Variants in CENPE observed in about 807,000 individuals in gnomAD.
CENPE encodes the protein centromere-associated protein E.
CENPE carries 145 observed loss-of-function variants against 336.1 expected under a neutral mutation model. The observed-to-expected ratio is 0.43, with a 90% CI of 0.38 to 0.50. The LOEUF (loss-of-function observed/expected upper bound fraction) is 0.50. CENPE is among the 20% of genes least tolerant of loss of function. The pLI, the probability that CENPE is intolerant of heterozygous loss-of-function variation, is 0.00. For missense variants in CENPE, 2,719 were observed against 3,023.3 expected, an observed-to-expected ratio of 0.90 and a Z score of 2.36; for synonymous variants, 1,013 against 984.8, an observed-to-expected ratio of 1.03 and a Z score of -0.54.
intron 42 of CENPE, among the ~76,000 whole-genome samples, chr4:103,129,386 A>G (rs1399927823): frequency 6.6e-6 from 1 of 152,184 alleles, no homozygotes; most frequent in Non-Finnish European, 1.5e-5. Context: ...CATTATTCTA[A>G]TACTAAAACC....
intron 43 of CENPE, among the ~76,000 whole-genome samples, chr4:103,121,443 T>A (rs1272044324): frequency 6.6e-6 from 1 of 152,172 alleles, no homozygotes; most frequent in Non-Finnish European, 1.5e-5. Context: ...CATTTAGAAT[T>A]CATTTTTGTT....
Position 103,114,490 on chromosome 4 carries a change from T to C in CENPE, c.7505A>G (p.Asn2502Ser), listed in dbSNP as rs563843733. 1 of 1,611,888 alleles carries C rather than the reference T, an allele frequency of 6.2e-7. No homozygotes were observed. The highest frequency in any genetic ancestry group is 1.1e-5 in the South Asian group (1 of 91,046). The change falls in exon 46 of 49, where the codon AAT becomes AGT. Residue 2502 changes from asparagine (N) to serine (S), a missense_variant. Physicochemically the swap from Asn to Ser is conservative, Grantham distance 46. Coordinates refer to ENST00000265148, the MANE Select transcript of CENPE (RefSeq NM_001813.3). ...QKEVIRLLRE[N>S]LRRSQQAQDT... The stretch of plus-strand genomic sequence containing the variant: ...TTGGGCCTGTTGACTTCTTCTGAGA[T>C]TTTCTCTCAATAGCCTTATAACTTC...
At position 103,143,401 on chromosome 4, in the gene CENPE, T is replaced by C; in HGVS notation, c.5151A>G (p.Leu1717=). Residue 1717 remains leucine (L), a synonymous_variant, in exon 34 of 49, where the codon CTA becomes CTG. Transcript: ENST00000265148. ...ENLRETITRD[L]EKQEELKIVH... ...CAATTTTTAGCTCCTCTTGTTTTTCTAGGTCCTTTATCAATAGAAAAATAA... is the reference window on the plus strand; with the variant it reads ...CAATTTTTAGCTCCTCTTGTTTTTCCAGGTCCTTTATCAATAGAAAAATAA... 6.3e-7 allele frequency: 1 copy of C among 1,585,174 alleles called. No homozygotes were observed. The highest frequency in any genetic ancestry group is 8.7e-7 in the Non-Finnish European group (1 of 1,155,546).
At chr4:103,117,164 A>G (rs941086532) in intron 44 of CENPE, among the ~76,000 whole-genome samples, 2 of 152,204 alleles carry the variant, frequency 1.3e-5, no homozygotes, top group Non-Finnish European at 2.9e-5. Context: ...TCAAAACACT[A>G]TATTTTACAG....
chr4:103,187,497 C>T (rs1327142746), intron 8 of CENPE, among the ~76,000 whole-genome samples: 1 of 152,188 alleles, frequency 6.6e-6, no homozygotes, highest in Non-Finnish European at 1.5e-5. Context: ...CAATATTCAA[C>T]ATTCTTAAAG....
chr4:103,194,744 A>G (rs1757614201), intron 5 of CENPE, 60 bp from the exon 6 acceptor site: 1 of 1,290,404 alleles, frequency 7.7e-7, no homozygotes, highest in African/African-American at 1.5e-5. Flanking sequence ...TTGCTTTTCA[A>G]AAGAAGGTGC....
intron 36 of CENPE, 84 bp downstream of exon 36, chr4:103,140,728 TCA>T (rs1752480818): frequency 3.6e-6 from 4 of 1,122,634 alleles, no homozygotes; most frequent in Non-Finnish European, 5.1e-6. Flanking sequence ...TAGGTTTTAG[TCA>T]CCAGACACAA....
At chr4:103,143,453 C>A (rs1178185317) in intron 33 of CENPE, 47 bp from the exon 34 acceptor site, 2 of 1,259,592 alleles carry the variant, frequency 1.6e-6, no homozygotes, top group Admixed American at 3.7e-5. Context: ...GTAGTACCAT[C>A]CACATGCTAT....
chr4:103,120,067 T>G (rs1233545075), intron 44 of CENPE, 81 bp downstream of exon 44: 1 of 1,001,148 alleles, frequency 1.0e-6, no homozygotes, highest in Non-Finnish European at 1.5e-6. Flanking sequence ...GAGGGAAGAA[T>G]AGAGCACAAG....
At position 103,196,747 on chromosome 4, in the gene CENPE, T is replaced by C. The variant is rs766587667; in HGVS notation, c.148+12A>G. On this transcript the variant is annotated intron_variant, in intron 2 of 48. Coordinates refer to ENST00000265148, the MANE Select transcript of CENPE (RefSeq NM_001813.3). The stretch of plus-strand genomic sequence containing the variant: ...GATAACAAGGTAACTTTTGATGCTA[T>C]TATAAGCTTACCAAAATTGAAGGAT... 7.4e-7 allele frequency: 1 copy of C among 1,345,340 alleles called. No homozygotes were observed. The highest frequency in any genetic ancestry group is 1.1e-6 in the Non-Finnish European group (1 of 941,824). The allele number at this position is 1,345,340 out of a possible 1,614,324, so 83.3% of individuals were successfully genotyped here.
At chr4:103,129,166 C>T (rs1259095379) in intron 42 of CENPE, among the ~76,000 whole-genome samples, 1 of 152,058 alleles carries the variant, frequency 6.6e-6, no homozygotes, top group Non-Finnish European at 1.5e-5. Context: ...TACCAATACA[C>T]AAGAAAGGCA....
At chr4:103,169,390 C>T (rs1755206032) in intron 16 of CENPE, among the ~76,000 whole-genome samples, 1 of 152,066 alleles carries the variant, frequency 6.6e-6, no homozygotes, top group African/African-American at 2.4e-5. Flanking sequence ...ATTCCCAAAC[C>T]TGAAGAAAGC....
At chr4:103,153,397 A>C (rs1753718968) in intron 24 of CENPE, 147 bp from the exon 25 acceptor site, 3 of 611,980 alleles carry the variant, frequency 4.9e-6, no homozygotes, top group Non-Finnish European at 5.6e-6. Flanking sequence ...TTTATGAGGT[A>C]GGTATTACCA....
intron 11 of CENPE, 24 bp from the exon 12 acceptor site, chr4:103,181,480 TA>T (rs1347744346): frequency 6.5e-7 from 1 of 1,545,610 alleles, no homozygotes; most frequent in African/African-American, 1.4e-5. Context: ...ACGAAAGTGC[TA>T]AGTGTTCAAC....
At chr4:103,112,573 C>T (rs1385533254) in intron 46 of CENPE, among the ~76,000 whole-genome samples, 1 of 138,806 alleles carries the variant, frequency 7.2e-6, no homozygotes, top group African/African-American at 2.6e-5. Flanking sequence ...TGTATATATA[C>T]TTATAAATGT....
At chr4:103,108,475 C>T (rs145279683) in intron 48 of CENPE, among the ~76,000 whole-genome samples, 57 of 152,110 alleles carry the variant, frequency 3.7e-4, no homozygotes, top group African/African-American at 1.0e-3. Flanking sequence ...ATATTTTGGT[C>T]CATTGAATTG....
Position 103,183,276 on chromosome 4 carries a change from T to C in CENPE, c.758A>G (p.Lys253Arg). The change falls in exon 10 of 49, where the codon AAG becomes AGG. Residue 253 changes from lysine to arginine, a missense_variant. Coordinates refer to ENST00000265148, the MANE Select transcript of CENPE (RefSeq NM_001813.3). ...AQTGAAGVRL[K>R]EGCNINRSLF... ...GCTTCGATTTATATTACAGCCTTCC[T>C]TGAGCCGCACACCTGAATTTATTAA... 1.9e-6 allele frequency: 3 copies of C among 1,612,424 alleles called. No homozygotes were observed. The African/African-American group carries it at 4.0e-5, about 22-fold the overall frequency.
At chr4:103,108,740 C>T (rs1749117255) in intron 48 of CENPE, 63 bp downstream of exon 48, 2 of 1,445,376 alleles carry the variant, frequency 1.4e-6, no homozygotes, top group Non-Finnish European at 9.4e-7. Flanking sequence ...TTTGGGATCA[C>T]ATATTAATGA....
intron 8 of CENPE, among the ~76,000 whole-genome samples, chr4:103,188,969 C>T (rs1157469958): frequency 6.6e-5 from 10 of 152,074 alleles, no homozygotes; most frequent in Admixed American, 1.3e-4. Context: ...ATATCATCAC[C>T]GATCCCACAG....
Sources: gnomAD v4.1 joint callset for allele counts (sites outside exome capture counted in the v4.1 genomes callset) on GRCh38, gnomAD v4.1.1 for gene constraint, MANE v1.5 for transcripts, NCBI Gene and HGNC (gene_info 2026-07-23, HGNC 2026-07-21) for gene names.